The following MMP26 variants were observed in gnomAD, a reference collection of about 807,000 sequenced individuals.
The protein encoded by MMP26 is matrix metalloproteinase-26.
Under a neutral mutation model 31.0 loss-of-function variants are expected in MMP26, and 33 were observed. That is an observed-to-expected ratio of 1.06 (90% CI 0.81 to 1.42). The LOEUF is 1.42. MMP26 is among the 40% of genes most tolerant of loss of function. The pLI is 0.00. For missense variants in MMP26, 347 were observed against 316.1 expected (o/e 1.10, Z -0.74); for synonymous variants, 122 against 114.9 (o/e 1.06, Z -0.40).
chr11:4,870,878 G>C (rs747598153), intron 2 of MMP26, among the ~76,000 whole-genome samples: 4 of 152,112 alleles, frequency 2.6e-5, no homozygotes, highest in African/African-American at 9.7e-5. Flanking sequence ...TAGTTAATCA[G>C]TATGTAGATG....
intron 2 of MMP26, among the ~76,000 whole-genome samples, chr11:4,900,442 T>C (rs2133558062): frequency 6.6e-6 from 1 of 152,292 alleles, no homozygotes; most frequent in African/African-American, 2.4e-5. Flanking sequence ...TTTTCTATCA[T>C]TGCCAGGTTA....
chr11:4,717,194 ATTTG>A (rs1564893495), intron 1 of MMP26, among the ~76,000 whole-genome samples: 1 of 152,126 alleles, frequency 6.6e-6, no homozygotes, highest in Non-Finnish European at 1.5e-5. Flanking sequence ...CAGTCTTATT[ATTTG>A]TTTGTTTGCA....
chr11:4,774,478 G>C (rs1433631690), intron 2 of MMP26, among the ~76,000 whole-genome samples: 1 of 152,084 alleles, frequency 6.6e-6, no homozygotes, highest in African/African-American at 2.4e-5. Flanking sequence ...GGGGTTGCTT[G>C]TTTTTGTCTT....
At chr11:4,811,146 G>A (rs918405111) in intron 2 of MMP26, among the ~76,000 whole-genome samples, 3 of 152,138 alleles carry the variant, frequency 2.0e-5, no homozygotes, top group African/African-American at 7.2e-5. Context: ...AGATCAGGCT[G>A]ACATTGTACA....
intron 2 of MMP26, among the ~76,000 whole-genome samples, chr11:4,924,523 G>A (rs1343546729): frequency 6.6e-6 from 1 of 152,204 alleles, no homozygotes; most frequent in Non-Finnish European, 1.5e-5. Context: ...CTAGGAAGGA[G>A]ACTTTTGATG....
intron 2 of MMP26, among the ~76,000 whole-genome samples, chr11:4,837,363 A>G (rs2133485554): frequency 6.6e-6 from 1 of 152,224 alleles, no homozygotes; most frequent in African/African-American, 2.4e-5. Flanking sequence ...ACCTGCCACC[A>G]TGAATGCCTA....
chr11:4,943,116 GTGTTCCATCCCTTACAA>G (rs1846239911), intron 2 of MMP26: 1 of 165,870 alleles, frequency 6.0e-6, no homozygotes, highest in African/African-American at 2.4e-5. Context: ...TAATTTTGTA[GTGTTCCATCCCTTACAA>G]TGTTTTCCCA....
At chr11:4,741,495 G>A (rs957914730) in intron 1 of MMP26, among the ~76,000 whole-genome samples, 4 of 152,118 alleles carry the variant, frequency 2.6e-5, no homozygotes, top group African/African-American at 9.7e-5. Flanking sequence ...CATGTCCTTT[G>A]CAGGGACATG....
At chr11:4,790,617 G>A (rs765004008) in intron 2 of MMP26, among the ~76,000 whole-genome samples, 3 of 152,174 alleles carry the variant, frequency 2.0e-5, no homozygotes, top group Non-Finnish European at 4.4e-5. Flanking sequence ...CAGAATGAGG[G>A]TGGTGTATGA....
chr11:4,746,009 G>A (rs78312403), intron 1 of MMP26, among the ~76,000 whole-genome samples: 6,688 of 152,190 alleles, frequency 0.044, 468 homozygotes, highest in African/African-American at 0.15. Context: ...AGATCCTCAA[G>A]CAATAATTAT....
chr11:4,751,055 A>G (rs1848441431), intron 1 of MMP26, among the ~76,000 whole-genome samples: 1 of 152,122 alleles, frequency 6.6e-6, no homozygotes, highest in Admixed American at 6.6e-5. Flanking sequence ...TTACCAGATA[A>G]TATAGGCAGA....
At chr11:4,800,891 C>A (rs1445921953) in intron 2 of MMP26, among the ~76,000 whole-genome samples, 3 of 152,150 alleles carry the variant, frequency 2.0e-5, no homozygotes, top group Non-Finnish European at 2.9e-5. Flanking sequence ...GTCCCTAGGA[C>A]ATGGACACAA....
chr11:4,737,689 G>T (rs1589887309), intron 1 of MMP26, among the ~76,000 whole-genome samples: 1 of 150,156 alleles, frequency 6.7e-6, no homozygotes, highest in African/African-American at 2.5e-5. Context: ...AAAACCCAGG[G>T]GTACTTTTGG....
rs1851348663 is a variant in MMP26, at chr11:4,931,643, T to A, written c.-144-56425T>A. Among the ~76,000 whole-genome samples, 5 of 152,112 alleles carry A rather than the reference T, an allele frequency of 3.3e-5. No individual in the cohort carries two copies. In the South Asian group the frequency reaches 8.3e-4, roughly 25 times the overall value. ...ATGCTATTCTTTTAAAATAAGAATA[T>A]AGGTTGAAGGAGAGTAGCTATTAGC... On this transcript the variant is annotated intron_variant, in intron 2 of 7. Coordinates refer to ENST00000380390, the MANE Select transcript of MMP26 (RefSeq NM_021801.5).
At chr11:4,718,930 C>G (rs1847973201) in intron 1 of MMP26, 2 of 189,782 alleles carry the variant, frequency 1.1e-5, no homozygotes, top group Non-Finnish European at 1.1e-5. Flanking sequence ...GTTCTTTCTT[C>G]AACTCTTCAC....
At chr11:4,985,001 A>C (rs1282211705) in intron 2 of MMP26, among the ~76,000 whole-genome samples, 1 of 152,106 alleles carries the variant, frequency 6.6e-6, no homozygotes, top group Non-Finnish European at 1.5e-5. Flanking sequence ...ATAGATTTTG[A>C]ATAAGTTTTA....
intron 2 of MMP26, among the ~76,000 whole-genome samples, chr11:4,970,869 G>A (rs1846657042): frequency 6.6e-6 from 1 of 152,078 alleles, no homozygotes; most frequent in Admixed American, 6.5e-5. Flanking sequence ...GCCCCGCAGG[G>A]GCTTATGGTG....
chr11:4,855,604 C>T (rs1435988927), intron 2 of MMP26, among the ~76,000 whole-genome samples: 3 of 152,082 alleles, frequency 2.0e-5, no homozygotes, highest in Admixed American at 1.3e-4. Flanking sequence ...GATTGGTGTA[C>T]CTGAAAGTGA....
rs910798163 is a variant in MMP26, at chr11:4,756,070, G to A, written c.-216-11200G>A. Among the ~76,000 whole-genome samples, 2 of 151,976 alleles carry A rather than the reference G, an allele frequency of 1.3e-5. 1 individual carries two copies. Among genetic ancestry groups the A allele is most frequent in the African/African-American group, 4.8e-5 (2 of 41,414 alleles). The stretch of plus-strand genomic sequence containing the variant: ...AGAAAACATCCTTAAGGTAATGTAG[G>A]TAATAGCATCATATAGCATTATGGA... On this transcript the variant is annotated intron_variant, in intron 1 of 7. Transcript: ENST00000380390.
Sources: gnomAD v4.1 joint callset for allele counts (sites outside exome capture counted in the v4.1 genomes callset) on GRCh38, gnomAD v4.1.1 for gene constraint, MANE v1.5 for transcripts, NCBI Gene and HGNC (gene_info 2026-07-23, HGNC 2026-07-21) for gene names.